MYO6: variants seen among roughly 807,000 people sequenced by gnomAD.
MYO6 encodes the protein unconventional myosin-VI.
Under a neutral mutation model 178.7 loss-of-function variants are expected in MYO6, and 74 were observed. The observed-to-expected ratio is 0.41, with a 90% confidence interval of 0.34 to 0.50. MYO6 has a LOEUF of 0.50. Among genes scored for constraint, MYO6 ranks in the 20% least tolerant of loss-of-function variants. The probability of loss-of-function intolerance (pLI) is 0.09; values close to 1 mark genes in which losing one functional copy is unlikely to be tolerated. For missense variants in MYO6, 1,330 were observed against 1,547.4 expected (o/e 0.86, Z 2.36); for synonymous variants, 477 against 504.6 (o/e 0.95, Z 0.73).
At chr6:75,751,438 A>G (rs1479517062) in intron 1 of MYO6, among the ~76,000 whole-genome samples, 1 of 152,224 alleles carries the variant, frequency 6.6e-6, no homozygotes, top group African/African-American at 2.4e-5. Context: ...TATGATATAC[A>G]TATATATTCT....
chr6:75,911,267 G>A (rs920185475), intron 32 of MYO6, among the ~76,000 whole-genome samples: 25 of 151,858 alleles, frequency 1.6e-4, no homozygotes, highest in Non-Finnish European at 8.8e-5. Flanking sequence ...ACGTAGTAAC[G>A]TTTTTACTCC....
chr6:75,755,690 A>G (rs773626575), intron 1 of MYO6, among the ~76,000 whole-genome samples: 3 of 152,226 alleles, frequency 2.0e-5, no homozygotes, highest in Non-Finnish European at 2.9e-5. Context: ...AAGACTCACT[A>G]AAGAACTGTG....
chr6:75,904,976 G>A (rs528283449), intron 30 of MYO6, among the ~76,000 whole-genome samples: 262 of 152,268 alleles, frequency 1.7e-3, no homozygotes, highest in Non-Finnish European at 3.0e-3. Flanking sequence ...GTCTGTTGGA[G>A]TACCCGGCCG....
At chr6:75,861,795 T>A (rs1348103485) in intron 15 of MYO6, among the ~76,000 whole-genome samples, 1 of 152,214 alleles carries the variant, frequency 6.6e-6, no homozygotes, top group East Asian at 1.9e-4. Context: ...TCAAAGCACT[T>A]TCACATTTCA....
chr6:75,824,242 C>T (rs964574859), intron 3 of MYO6, among the ~76,000 whole-genome samples: 2 of 152,202 alleles, frequency 1.3e-5, no homozygotes, highest in Non-Finnish European at 2.9e-5. Context: ...GTCTAACTTA[C>T]AAATTTTTGC....
Position 75,832,913 on chromosome 6 carries a change from G to T in MYO6, c.463G>T (p.Ala155Ser). Residue 155 changes from alanine to serine, a missense_variant, in exon 6 of 35, where the codon GCC becomes TCC. Ala to Ser is a moderately conservative substitution (Grantham distance 99). Transcript: ENST00000369977. Reference sequence around the variant, plus strand: ...TATCATTGTATCTGGAGAATCAGGAGCCGGCAAAACAGAAAATACAAAATT... The same window carrying T: ...TATCATTGTATCTGGAGAATCAGGATCCGGCAAAACAGAAAATACAAAATT... ...QSIIVSGESGAGKTENTKFVL... is the reference protein window; with the variant it reads ...QSIIVSGESGSGKTENTKFVL... The T allele has an allele frequency of 6.2e-7, 1 of 1,614,014 alleles. No individual in the cohort carries two copies. The highest frequency in any genetic ancestry group is 8.5e-7 in the Non-Finnish European group (1 of 1,179,902).
At chr6:75,811,088 T>C (rs72654774) in intron 1 of MYO6, among the ~76,000 whole-genome samples, 5,519 of 151,610 alleles carry the variant, frequency 0.036, 220 homozygotes, top group East Asian at 0.14. Context: ...AGAGAACAGG[T>C]TCTAGACTTC....
At chr6:75,807,904 A>G (rs1375224522) in intron 1 of MYO6, among the ~76,000 whole-genome samples, 1 of 152,166 alleles carries the variant, frequency 6.6e-6, no homozygotes, top group Non-Finnish European at 1.5e-5. Context: ...AATGTCTACA[A>G]ACCAGTAGGT....
chr6:75,846,419 C>A (rs956387764), intron 10 of MYO6, among the ~76,000 whole-genome samples: 7 of 152,010 alleles, frequency 4.6e-5, no homozygotes, highest in Admixed American at 2.6e-4. Flanking sequence ...ATATTTTTAG[C>A]ATATTTATAT....
At chr6:75,839,574 A>G (rs1303578080) in intron 7 of MYO6, among the ~76,000 whole-genome samples, 2 of 152,196 alleles carry the variant, frequency 1.3e-5, no homozygotes, top group Admixed American at 1.3e-4. Flanking sequence ...TTGTTGATGG[A>G]GAATATGTGT....
chr6:75,760,292 T>C (rs1777831508), intron 1 of MYO6, among the ~76,000 whole-genome samples: 2 of 152,194 alleles, frequency 1.3e-5, no homozygotes, highest in African/African-American at 4.8e-5. Context: ...TGCTCTTTAT[T>C]TTGGATAGAT....
At chr6:75,848,205 T>A in intron 10 of MYO6, 146 bp from the exon 11 acceptor site, 1 of 732,592 alleles carries the variant, frequency 1.4e-6, no homozygotes, top group Non-Finnish European at 2.4e-6. Flanking sequence ...GGTCATTTAG[T>A]TTTTGAATGT....
intron 18 of MYO6, among the ~76,000 whole-genome samples, chr6:75,868,070 T>C: frequency 6.6e-6 from 1 of 152,102 alleles, no homozygotes; most frequent in Non-Finnish European, 1.5e-5. Flanking sequence ...AGGAAAAAGA[T>C]TTAAGTGTCT....
intron 30 of MYO6, among the ~76,000 whole-genome samples, chr6:75,904,240 C>T (rs1460643060): frequency 4.0e-5 from 6 of 149,648 alleles, no homozygotes; most frequent in South Asian, 4.3e-4. Context: ...ATCTTTGTGG[C>T]GTTCTCTGTA....
At chr6:75,770,036 G>T (rs181712721) in intron 1 of MYO6, among the ~76,000 whole-genome samples, 149 of 152,318 alleles carry the variant, frequency 9.8e-4, no homozygotes, top group African/African-American at 3.5e-3. Flanking sequence ...TGGTGCCCTG[G>T]TGGGGACTCT....
chr6:75,868,069 A>G (rs973426993), intron 18 of MYO6, among the ~76,000 whole-genome samples: 5 of 152,106 alleles, frequency 3.3e-5, no homozygotes, highest in South Asian at 4.1e-4. Context: ...TAGGAAAAAG[A>G]TTTAAGTGTC....
chr6:75,793,940 G>A (rs1768514895), intron 1 of MYO6, among the ~76,000 whole-genome samples: 1 of 152,184 alleles, frequency 6.6e-6, no homozygotes, highest in Admixed American at 6.5e-5. Context: ...GCTACTTAGT[G>A]ACTTTCTAAA....
At chr6:75,835,444 T>A (rs567272413) in intron 6 of MYO6, among the ~76,000 whole-genome samples, 44 of 152,158 alleles carry the variant, frequency 2.9e-4, no homozygotes, top group African/African-American at 6.0e-4. Flanking sequence ...ATATATATAT[T>A]TTTTTGAAAC....
intron 1 of MYO6, among the ~76,000 whole-genome samples, chr6:75,765,122 A>G (rs1461102286): frequency 6.6e-6 from 1 of 151,848 alleles, no homozygotes; most frequent in Non-Finnish European, 1.5e-5. Context: ...GTGCAGTTAA[A>G]AAATTTAGAG....
Sources: gnomAD v4.1 joint callset for allele counts (sites outside exome capture counted in the v4.1 genomes callset) on GRCh38, gnomAD v4.1.1 for gene constraint, MANE v1.5 for transcripts, NCBI Gene and HGNC (gene_info 2026-07-23, HGNC 2026-07-21) for gene names.